SLC16A8: variants seen among roughly 807,000 people sequenced by gnomAD.
SLC16A8 encodes monocarboxylate transporter 3.
Under a neutral mutation model 22.4 loss-of-function variants are expected in SLC16A8, and 20 were observed. That is an observed-to-expected ratio of 0.89 (90% CI 0.63 to 1.30). The LOEUF (loss-of-function observed/expected upper bound fraction) is 1.30, where lower values mean the gene tolerates loss of function less well. Among genes scored for constraint, SLC16A8 ranks in the 50% most tolerant of loss-of-function variants. The pLI, the probability that SLC16A8 is intolerant of heterozygous loss-of-function variation, is 0.00. For synonymous variants in SLC16A8, 393 were observed against 358.8 expected, an observed-to-expected ratio of 1.10 and a Z score of -1.08; for missense variants, 817 against 740.3, an observed-to-expected ratio of 1.10 and a Z score of -1.20.
At chr22:38,080,729 C>G in intron 5 of SLC16A8, 111 bp downstream of exon 5, 1 of 1,382,018 alleles carries the variant, frequency 7.2e-7, no homozygotes, top group South Asian at 1.5e-5. Context: ...GTCCACCCAC[C>G]CGACTGCCCC....
At chr22:38,082,273 C>G (rs1185412434) in intron 3 of SLC16A8, among the ~76,000 whole-genome samples, 1 of 152,258 alleles carries the variant, frequency 6.6e-6, no homozygotes, top group East Asian at 1.9e-4. Flanking sequence ...TTCACAGCCT[C>G]CAAGTCCCGC....
rs1214538328 is a variant in SLC16A8, at chr22:38,081,898, C to G, written c.349G>C (p.Val117Leu). The change falls in exon 4 of 6, where the codon GTG becomes CTG. Residue 117 changes from valine (V) to leucine (L), a missense_variant. Transcript: ENST00000681075. Reference protein sequence around the residue: ...RLLELYLTAGVLTGLGLALNF... With the variant: ...RLLELYLTAGLLTGLGLALNF... ...ACCAGGGGGCCCTCACCTGTGAGCA[C>G]CCCAGCGGTCAGGTAGAGCTCCAGG... 6.3e-7 allele frequency: 1 copy of G among 1,592,846 alleles called. No homozygotes were observed. The highest frequency in any genetic ancestry group is 8.5e-7 in the Non-Finnish European group (1 of 1,170,408).
chr22:38,081,951 A>G lies in SLC16A8; in HGVS notation c.296T>C (p.Met99Thr), dbSNP rs1393445105. ...LAGGLLASAG[M>T]ILASFATRLL... Reference sequence around the variant, plus strand: ...GCGCGTGGCAAAGGAAGCTAGGATCATGCCCGCGGAAGCCAGCAGCCCACC... The same window carrying G: ...GCGCGTGGCAAAGGAAGCTAGGATCGTGCCCGCGGAAGCCAGCAGCCCACC... The change falls in exon 4 of 6, where the codon ATG (methionine) becomes ACG (threonine). Residue 99 changes from methionine (M) to threonine (T), a missense_variant. Coordinates refer to ENST00000681075, the MANE Select transcript of SLC16A8 (RefSeq NM_013356.3). 16 of 1,566,600 alleles carry G rather than the reference A, an allele frequency of 1.0e-5. No individual in the cohort carries two copies. The highest frequency in any genetic ancestry group is 1.3e-5 in the Non-Finnish European group (15 of 1,155,872).
chr22:38,082,718 G>A lies in SLC16A8; in HGVS notation c.156C>T (p.Ala52=), dbSNP rs1233811371. 5.7e-6 allele frequency: 9 copies of A among 1,591,700 alleles called. No individual in the cohort carries two copies. Among genetic ancestry groups the A allele is most frequent in the Non-Finnish European group, 6.8e-6 (8 of 1,170,952 alleles). The change falls in exon 3 of 6, where the codon GCC becomes GCT. Residue 52 remains alanine (A), a synonymous_variant. Coordinates refer to ENST00000681075, the MANE Select transcript of SLC16A8 (RefSeq NM_013356.3). The part of the protein sequence containing the change: ...FFRALMRDFD[A]GYSDTAWVSS... Reference sequence around the variant, plus strand: ...ACACCCAGGCCGTGTCGCTGTAGCCGGCGTCGAAGTCGCGCATGAGCGCGC... The same window carrying A: ...ACACCCAGGCCGTGTCGCTGTAGCCAGCGTCGAAGTCGCGCATGAGCGCGC...
rs755412895 is a variant in SLC16A8 at position 38,080,973 on chromosome 22, G to C, written c.1065C>G (p.Leu355=). 9 of 1,597,284 alleles carry C rather than the reference G, an allele frequency of 5.6e-6. No individual in the cohort carries two copies. The African/African-American group carries it at 1.1e-4, about 19-fold the overall frequency. The change falls in exon 5 of 6, where the codon CTC becomes CTG. Residue 355 remains leucine (L), a synonymous_variant. Coordinates refer to ENST00000681075, the MANE Select transcript of SLC16A8 (RefSeq NM_013356.3). ...GCAGCGCGCCCACCATGCCGTAGGAGAGGCCGAAGGCGACGCAGAAGGCGA... is the reference window on the plus strand; with the variant it reads ...GCAGCGCGCCCACCATGCCGTAGGACAGGCCGAAGGCGACGCAGAAGGCGA... The part of the protein sequence containing the change: ...ALVAFCVAFG[L]SYGMVGALQF...
At position 38,083,092 on chromosome 22, in the gene SLC16A8, C is replaced by G. The variant is rs1028184277; in HGVS notation, c.-59G>C. On this transcript the variant is annotated 5_prime_UTR_variant, in exon 2 of 6. Transcript: ENST00000681075. ...GCGCTGAAGGACGAGGGGAGGACGACGGGTCCCACCTGACTCTGCACCTCT... is the reference window on the plus strand; with the variant it reads ...GCGCTGAAGGACGAGGGGAGGACGAGGGGTCCCACCTGACTCTGCACCTCT... The G allele has an allele frequency of 3.6e-5, 21 of 575,428 alleles. No homozygotes were observed. The African/African-American group carries it at 3.9e-4, about 11-fold the overall frequency. The allele number at this position is 575,428 out of a possible 1,614,324, so 35.6% of individuals were successfully genotyped here. A position where few individuals can be genotyped will look rare whatever the true frequency, so the allele number is the denominator to read the frequency against.
In SLC16A8 at chr22:38,078,330, C is replaced by CT; in HGVS notation, c.*57dup. On this transcript the variant is annotated 3_prime_UTR_variant, in exon 6 of 6. Coordinates refer to ENST00000681075, the MANE Select transcript of SLC16A8 (RefSeq NM_013356.3). ...CCAGCCTCCCAGCGTACCAGGCTCTCTGAGACAAGAAGCTGTGTTCCCAAG... is the reference window on the plus strand; with the variant it reads ...CCAGCCTCCCAGCGTACCAGGCTCTCTTGAGACAAGAAGCTGTGTTCCCAAG... 4.0e-6 allele frequency: 6 copies of CT among 1,511,916 alleles called. No individual in the cohort carries two copies. The highest frequency in any genetic ancestry group is 5.3e-6 in the Non-Finnish European group (6 of 1,122,740). 93.7% of individuals were successfully genotyped at this position (1,511,916 alleles called of 1,614,324 possible).
chr22:38,082,978 G>GCTA, intron 2 of SLC16A8, 64 bp downstream of exon 2: 1 of 782,164 alleles, frequency 1.3e-6, no homozygotes, highest in Non-Finnish European at 2.0e-6. Flanking sequence ...GAGGCACAGG[G>GCTA]CTACCCACGT....
Position 38,078,148 on chromosome 22 carries a change from T to C in SLC16A8, c.*240A>G, listed in dbSNP as rs1250669538. The C allele has an allele frequency of 5.9e-6, 3 of 505,626 alleles. No individual in the cohort carries two copies. Among genetic ancestry groups the C allele is most frequent in the Non-Finnish European group, 1.1e-5 (3 of 282,994 alleles). The allele number at this position is 505,626 out of a possible 1,614,324, so 31.3% of individuals were successfully genotyped here. A position where few individuals can be genotyped will look rare whatever the true frequency, so the allele number is the denominator to read the frequency against. ...GGAATAGAACCTTCTGTCGTTCAGC[T>C]GAGCTTTATCACCAGTTTCCTGTTG... On this transcript the variant is annotated 3_prime_UTR_variant, in exon 6 of 6. Transcript: ENST00000681075.
chr22:38,082,999 C>T, intron 2 of SLC16A8, 43 bp downstream of exon 2: 2 of 675,548 alleles, frequency 3.0e-6, no homozygotes, highest in South Asian at 1.9e-5. Flanking sequence ...GAGGGTGGCT[C>T]AGGTCTGGGA....
chr22:38,082,021 T>C lies in SLC16A8; in HGVS notation c.226A>G (p.Ser76Gly). 1.3e-6 allele frequency: 2 copies of C among 1,578,576 alleles called. No individual in the cohort carries two copies. The highest frequency in any genetic ancestry group is 1.2e-5 in the South Asian group (1 of 86,182). ...CAGCCAAAGCGGGTCACGAGGATGC[T>C]GGACACGGGGCCTGTGGGCAGGGCA... ...AMLYGTGPVS[S>G]ILVTRFGCRP... The change falls in exon 4 of 6, where the codon AGC (serine) becomes GGC (glycine). Residue 76 changes from serine (S) to glycine (G), a missense_variant. By Grantham distance (56) the Ser-to-Gly change is moderately conservative. Coordinates refer to ENST00000681075, the MANE Select transcript of SLC16A8 (RefSeq NM_013356.3).
chr22:38,080,809 G>A lies in SLC16A8; in HGVS notation c.1198+31C>T. ...CTTCCCTGGGTCTAAGGGGCACTAG[G>A]CTCGCCACCCCCTCTTCCTTCGGGG... On this transcript the variant is annotated intron_variant, in intron 5 of 5. Coordinates refer to ENST00000681075, the MANE Select transcript of SLC16A8 (RefSeq NM_013356.3). 7 of 1,461,528 alleles carry A rather than the reference G, an allele frequency of 4.8e-6. No individual in the cohort carries two copies. In the South Asian group the frequency reaches 8.4e-5, roughly 18 times the overall value. The allele number at this position is 1,461,528 out of a possible 1,614,324, so 90.5% of individuals were successfully genotyped here. A position where few individuals can be genotyped will look rare whatever the true frequency, so the allele number is the denominator to read the frequency against.
In SLC16A8 at chr22:38,083,106, C is replaced by G; in HGVS notation, c.-73G>C. ...GGGGAGGACGACGGGTCCCACCTGA[C>G]TCTGCACCTCTGCAGGCTCCCTCTG... is the stretch of plus-strand genomic sequence containing the variant. On this transcript the variant is annotated 5_prime_UTR_variant, in exon 2 of 6. Transcript: ENST00000681075. The G allele has an allele frequency of 1.8e-6, 1 of 562,392 alleles. No homozygotes were observed. Among genetic ancestry groups the G allele is most frequent in the East Asian group, 2.9e-5 (1 of 34,390 alleles). The allele number at this position is 562,392 out of a possible 1,614,324, so 34.8% of individuals were successfully genotyped here. A position where few individuals can be genotyped will look rare whatever the true frequency, so the allele number is the denominator to read the frequency against.
intron 5 of SLC16A8, among the ~76,000 whole-genome samples, chr22:38,080,207 A>G (rs2085895716): frequency 6.6e-6 from 1 of 151,852 alleles, no homozygotes; most frequent in Non-Finnish European, 1.5e-5. Context: ...TTCCCCCCCA[A>G]CAAGCCCTGC....
Position 38,078,263 on chromosome 22 carries a change from A to G in SLC16A8, c.*125T>C. 1 of 893,602 alleles carries G rather than the reference A, an allele frequency of 1.1e-6. No homozygotes were observed. Among genetic ancestry groups the G allele is most frequent in the African/African-American group, 1.7e-5 (1 of 60,158 alleles). The allele number at this position is 893,602 out of a possible 1,614,324, so 55.4% of individuals were successfully genotyped here. A position where few individuals can be genotyped will look rare whatever the true frequency, so the allele number is the denominator to read the frequency against. ...GCAGTTCCCAGACACCCAGGGGATC[A>G]ACTGGAGCCCAGACGTGGACCCCGG... On this transcript the variant is annotated 3_prime_UTR_variant, in exon 6 of 6. Coordinates refer to ENST00000681075, the MANE Select transcript of SLC16A8 (RefSeq NM_013356.3).
intron 1 of SLC16A8, among the ~76,000 whole-genome samples, chr22:38,083,747 G>C (rs371365610): frequency 0.23 from 35,488 of 151,668 alleles, 4,408 homozygotes; most frequent in African/African-American, 0.31. Flanking sequence ...AGATGAGGAG[G>C]GTGTACTCAG....
intron 5 of SLC16A8, among the ~76,000 whole-genome samples, chr22:38,079,705 C>T (rs992113166): frequency 1.3e-5 from 2 of 152,346 alleles, no homozygotes; most frequent in African/African-American, 4.8e-5. Flanking sequence ...CCACTACACC[C>T]GACCAGGAAA....
rs769665559 is a variant in SLC16A8 at position 38,081,025 on chromosome 22, G to T, written c.1013C>A (p.Ala338Glu). The T allele has an allele frequency of 1.3e-6, 2 of 1,596,152 alleles. No homozygotes were observed. Among genetic ancestry groups the T allele is most frequent in the Non-Finnish European group, 1.7e-6 (2 of 1,177,092 alleles). ...GAGGGCGCCGTAGGAGCGCGCGCGT[G>T]CGCTGCTCAGGTCTGTGAGCCCATT... ...LANGLTDLSS[A>E]RARSYGALVA... Residue 338 changes from alanine to glutamate, a missense_variant, in exon 5 of 6, where the codon GCA (alanine) becomes GAA (glutamate). Ala to Glu is a moderately radical substitution (Grantham distance 107, BLOSUM62 -1). Transcript: ENST00000681075.
Position 38,083,152 on chromosome 22 carries a change from CAG to C in SLC16A8, c.-121_-120del. Reference sequence around the variant, plus strand: ...CTCTGAAGGACAACTGCTGGCCCCTCAGGGCCTCAGGTGGAAGGCGTCGGGAA... The same window carrying C: ...CTCTGAAGGACAACTGCTGGCCCCTCGGCCTCAGGTGGAAGGCGTCGGGAA... On this transcript the variant is annotated 5_prime_UTR_variant, in exon 2 of 6. Coordinates refer to ENST00000681075, the MANE Select transcript of SLC16A8 (RefSeq NM_013356.3). 6.4e-6 allele frequency: 3 copies of C among 467,824 alleles called. No homozygotes were observed. The highest frequency in any genetic ancestry group is 1.1e-5 in the Non-Finnish European group (3 of 261,536). 29.0% of individuals were successfully genotyped at this position (467,824 alleles called of 1,614,324 possible). A position where few individuals can be genotyped will look rare whatever the true frequency, so the allele number is the denominator to read the frequency against.
Sources: allele counts gnomAD v4.1 joint callset (sites outside exome capture counted in the v4.1 genomes callset), GRCh38; gene constraint gnomAD v4.1.1; transcripts MANE v1.5; gene names NCBI Gene and HGNC (gene_info 2026-07-23, HGNC 2026-07-21).